The following MCC variants were observed in gnomAD, a reference collection of about 807,000 sequenced individuals.
The protein encoded by MCC is colorectal mutant cancer protein.
A neutral mutation model predicts 116.2 loss-of-function variants in MCC; 90 were observed. The ratio of observed to expected loss-of-function variants is 0.77; its 90% CI spans 0.65 to 0.92. The LOEUF is 0.92. Ranked by LOEUF, MCC falls within the 40% of genes least tolerant of loss-of-function variation. The probability of loss-of-function intolerance (pLI) is 0.00; values close to 1 mark genes in which losing one functional copy is unlikely to be tolerated. For missense variants in MCC, 1,516 were observed against 1,312.2 expected (o/e 1.16, Z -2.40); for synonymous variants, 578 against 510.5 (o/e 1.13, Z -1.78).
Position 113,024,014 on chromosome 5 carries a change from G to A in MCC, c.*3288C>T, listed in dbSNP as rs1169900122. On this transcript the variant is annotated 3_prime_UTR_variant, in exon 19 of 19. Coordinates refer to ENST00000408903, the MANE Select transcript of MCC (RefSeq NM_001085377.2). The stretch of plus-strand genomic sequence containing the variant: ...CCAGTTAGGAACCAGAAGACTTTCA[G>A]ATAGTTTCATGTTTTCCTTAGAGTG... The A allele has an allele frequency of 6.8e-6, 1 of 147,742 alleles. No homozygotes were observed. Among genetic ancestry groups the A allele is most frequent in the Non-Finnish European group, 1.5e-5 (1 of 67,568 alleles). The allele number at this position is 147,742 out of a possible 1,614,324, so 9.2% of individuals were successfully genotyped here.
At chr5:113,411,852 T>A (rs769051609) in intron 1 of MCC, among the ~76,000 whole-genome samples, 10 of 152,238 alleles carry the variant, frequency 6.6e-5, no homozygotes, top group Non-Finnish European at 1.5e-4. Context: ...TGCCTATGCC[T>A]ATGTCCTGAA....
chr5:113,224,258 A>G (rs1763653875), intron 3 of MCC, among the ~76,000 whole-genome samples: 1 of 151,874 alleles, frequency 6.6e-6, no homozygotes, highest in Non-Finnish European at 1.5e-5. Context: ...ACATCCGGCT[A>G]ATTTTTGTGT....
intron 17 of MCC, among the ~76,000 whole-genome samples, chr5:113,039,146 G>A (rs372002684): frequency 3.9e-5 from 6 of 152,352 alleles, no homozygotes; most frequent in Middle Eastern, 3.4e-3. Flanking sequence ...GTATCATGGT[G>A]AGGAGCAGCG....
At chr5:113,340,785 G>C in intron 2 of MCC, 55 bp from the exon 3 acceptor site, 2 of 1,474,224 alleles carry the variant, frequency 1.4e-6, no homozygotes, top group Admixed American at 1.8e-5. Context: ...TTAGCCTGTG[G>C]GTGGCCAATA....
rs75409758 is a variant in MCC at position 113,333,098 on chromosome 5, A to C, written c.627+7421T>G. Among the ~76,000 whole-genome samples the C allele has an allele frequency of 7.9e-4, 120 of 151,746 alleles. 3 individuals carry two copies. Among genetic ancestry groups the C allele is most frequent in the African/African-American group, 2.8e-3 (116 of 41,050 alleles). On this transcript the variant is annotated intron_variant, in intron 3 of 18. Coordinates refer to ENST00000408903, the MANE Select transcript of MCC (RefSeq NM_001085377.2). The stretch of plus-strand genomic sequence containing the variant: ...TTGATATGAAAAAAGGGGGAAACAA[A>C]CCAAAAACTAATGTGAAACACAAGA...
At chr5:113,041,082 C>G (rs1169272083) in intron 17 of MCC, among the ~76,000 whole-genome samples, 2 of 152,210 alleles carry the variant, frequency 1.3e-5, no homozygotes, top group Admixed American at 1.3e-4. Flanking sequence ...CCGCCCCAAG[C>G]AGAGCAACTG....
chr5:113,066,868 T>G (rs1753640521), intron 13 of MCC, among the ~76,000 whole-genome samples: 1 of 152,174 alleles, frequency 6.6e-6, no homozygotes, highest in Non-Finnish European at 1.5e-5. Flanking sequence ...GCCCACACCA[T>G]CCATCTTTGG....
At chr5:113,282,657 T>A (rs1766095106) in intron 3 of MCC, among the ~76,000 whole-genome samples, 2 of 152,186 alleles carry the variant, frequency 1.3e-5, no homozygotes, top group African/African-American at 4.8e-5. Flanking sequence ...TAACACCCTG[T>A]TAATAATCAG....
At chr5:113,472,486 T>C (rs1347352873) in intron 1 of MCC, among the ~76,000 whole-genome samples, 1 of 152,236 alleles carries the variant, frequency 6.6e-6, no homozygotes, top group Non-Finnish European at 1.5e-5. Context: ...CTCCTTAAGG[T>C]CACAAGTTAT....
chr5:113,241,184 T>C (rs1308458025), intron 3 of MCC, among the ~76,000 whole-genome samples: 2 of 152,180 alleles, frequency 1.3e-5, no homozygotes, highest in Admixed American at 6.5e-5. Flanking sequence ...TTCTTAGGAG[T>C]ATAACGTAGG....
In MCC at chr5:113,413,506, G is replaced by C. The variant is rs147217768; in HGVS notation, c.171-28294C>G. 3.5e-3 allele frequency among the ~76,000 whole-genome samples: 528 copies of C among 152,296 alleles called. 4 individuals carry two copies. The highest frequency in any genetic ancestry group is 0.025 in the Admixed American group (389 of 15,302). On this transcript the variant is annotated intron_variant, in intron 1 of 18. Coordinates refer to ENST00000408903, the MANE Select transcript of MCC (RefSeq NM_001085377.2). ...CTTCCTGGTTTAGTCTTGGGAAGGT[G>C]TATGTGTCCAGGAATTTATCTATTT...
intron 3 of MCC, among the ~76,000 whole-genome samples, chr5:113,274,734 G>A (rs538981726): frequency 1.3e-5 from 2 of 152,174 alleles, no homozygotes; most frequent in South Asian, 4.1e-4. Context: ...CATTCAAAGG[G>A]ACAAGTTTCT....
intron 17 of MCC, among the ~76,000 whole-genome samples, chr5:113,034,422 T>C (rs1751181642): frequency 6.6e-6 from 1 of 152,204 alleles, no homozygotes. Context: ...GGAGGTTATA[T>C]TCTCCCTAAA....
intron 3 of MCC, among the ~76,000 whole-genome samples, chr5:113,192,504 C>T (rs1017293966): frequency 6.6e-6 from 1 of 152,202 alleles, no homozygotes; most frequent in African/African-American, 2.4e-5. Flanking sequence ...CATATGTCTT[C>T]GTGTGTACTT....
chr5:113,335,286 A>G (rs1767844309), intron 3 of MCC, among the ~76,000 whole-genome samples: 1 of 151,780 alleles, frequency 6.6e-6, no homozygotes, highest in Non-Finnish European at 1.5e-5. Flanking sequence ...GAGACAAATG[A>G]TTACTTTTAC....
chr5:113,316,347 AT>A (rs1207832381), intron 3 of MCC, among the ~76,000 whole-genome samples: 9 of 152,162 alleles, frequency 5.9e-5, no homozygotes, highest in Non-Finnish European at 1.3e-4. Flanking sequence ...ACTTGATAAT[AT>A]TGCTTAAGAC....
Position 113,104,171 on chromosome 5 carries a change from CAG to C in MCC, c.1191+19_1191+20del. 6.3e-7 allele frequency: 1 copy of C among 1,584,794 alleles called. No individual in the cohort carries two copies. The highest frequency in any genetic ancestry group is 8.6e-7 in the Non-Finnish European group (1 of 1,162,546). The stretch of plus-strand genomic sequence containing the variant: ...CCTTTCAGAACCTCAAAGGGCCTCA[CAG>C]AGGGTGAGGAAGGTCTACCTTAATA... On this transcript the variant is annotated intron_variant, in intron 7 of 18. Transcript: ENST00000408903.
intron 3 of MCC, among the ~76,000 whole-genome samples, chr5:113,287,439 T>C (rs1263731405): frequency 1.3e-5 from 2 of 152,150 alleles, no homozygotes; most frequent in Non-Finnish European, 2.9e-5. Flanking sequence ...AGCGATTCTC[T>C]GCTCAGCCTC....
At chr5:113,297,334 C>T (rs1766738532) in intron 3 of MCC, among the ~76,000 whole-genome samples, 1 of 152,034 alleles carries the variant, frequency 6.6e-6, no homozygotes, top group African/African-American at 2.4e-5. Flanking sequence ...AAAACCCTGT[C>T]TCTACTAGGA....
Sources: allele counts gnomAD v4.1 joint callset (sites outside exome capture counted in the v4.1 genomes callset), GRCh38; gene constraint gnomAD v4.1.1; transcripts MANE v1.5; gene names NCBI Gene and HGNC (gene_info 2026-07-23, HGNC 2026-07-21).